Variants in UBE2D2 observed in about 807,000 individuals in gnomAD.
The protein encoded by UBE2D2 is ubiquitin conjugating enzyme E2 D2.
A neutral mutation model predicts 24.2 loss-of-function variants in UBE2D2; 2 were observed. The observed-to-expected ratio is 0.08, with a 90% CI of 0.03 to 0.26. The LOEUF is 0.26. Ranked by LOEUF, UBE2D2 falls within the 10% of genes least tolerant of loss-of-function variation. The pLI is 1.00. For missense variants in UBE2D2, 44 were observed against 177.6 expected, an observed-to-expected ratio of 0.25 and a Z score of 4.28; for synonymous variants, 58 against 56.5, an observed-to-expected ratio of 1.03 and a Z score of -0.12.
chr5:139,583,747 G>A (rs998813843), intron 1 of UBE2D2, among the ~76,000 whole-genome samples: 18 of 152,168 alleles, frequency 1.2e-4, no homozygotes, highest in Non-Finnish European at 2.6e-4. Context: ...GGGCGACGGA[G>A]CGAGACTCCA....
rs1752589183 is a variant in UBE2D2, at chr5:139,530,781, G to A, written c.-64+4169G>A. Among the ~76,000 whole-genome samples, 4 of 152,188 alleles carry A rather than the reference G, an allele frequency of 2.6e-5. No homozygotes were observed. In the South Asian group the frequency reaches 8.3e-4, roughly 31 times the overall value. On this transcript the variant is annotated intron_variant, in intron 1 of 6. Coordinates refer to the UBE2D2 transcript ENST00000511725. ...TATAACAAAACTGGCACATGTACCT[G>A]TGCAAGTGTGGCATGGACTCAGTCC...
chr5:139,546,463 G>A (rs1395582012), intron 1 of UBE2D2, among the ~76,000 whole-genome samples: 4 of 152,130 alleles, frequency 2.6e-5, no homozygotes, highest in African/African-American at 7.2e-5. Context: ...GATTACTGGC[G>A]TGAGCCGACT....
intron 1 of UBE2D2, among the ~76,000 whole-genome samples, chr5:139,549,357 C>T (rs999979246): frequency 4.6e-5 from 7 of 152,194 alleles, no homozygotes; most frequent in Admixed American, 1.3e-4. Context: ...GAGGCCCAGG[C>T]AGGAACTGGG....
rs1236371036 is a variant in UBE2D2 at position 139,627,087 on chromosome 5, T to C, written c.*286T>C. 1 of 330,060 alleles carries C rather than the reference T, an allele frequency of 3.0e-6. No individual in the cohort carries two copies. The highest frequency in any genetic ancestry group is 4.8e-5 in the Admixed American group (1 of 21,048). 20.4% of individuals were successfully genotyped at this position (330,060 alleles called of 1,614,324 possible). A position where few individuals can be genotyped will look rare whatever the true frequency, so the allele number is the denominator to read the frequency against. ...GAGACTAAAAGCTTTTCTTATTGAC[T>C]TAAATTTGGATAACAGCAAGGTGTG... is the stretch of plus-strand genomic sequence containing the variant. On this transcript the variant is annotated 3_prime_UTR_variant, in exon 7 of 7. Coordinates refer to ENST00000398733, the MANE Select transcript of UBE2D2 (RefSeq NM_003339.3).
chr5:139,574,474 C>T (rs1355671472), intron 1 of UBE2D2, among the ~76,000 whole-genome samples: 3 of 151,742 alleles, frequency 2.0e-5, no homozygotes, highest in African/African-American at 7.3e-5. Flanking sequence ...TCACCCCATC[C>T]CCTACCTCCT....
At chr5:139,608,939 TAGTC>T (rs1754255675) in intron 2 of UBE2D2, among the ~76,000 whole-genome samples, 1 of 151,812 alleles carries the variant, frequency 6.6e-6, no homozygotes, top group Non-Finnish European at 1.5e-5. Flanking sequence ...ACAGCAAAAT[TAGTC>T]AGGTGTGGTG....
At chr5:139,531,025 G>A (rs1009951948) in intron 1 of UBE2D2, among the ~76,000 whole-genome samples, 1 of 152,050 alleles carries the variant, frequency 6.6e-6, no homozygotes, top group Non-Finnish European at 1.5e-5. Flanking sequence ...AAAGACATAA[G>A]TAGCAAAAAC....
chr5:139,548,329 G>A (rs1358894534), intron 1 of UBE2D2, among the ~76,000 whole-genome samples: 1 of 151,892 alleles, frequency 6.6e-6, no homozygotes, highest in African/African-American at 2.4e-5. Context: ...AAGATATAGA[G>A]GAAGGTTGGG....
chr5:139,550,351 C>T (rs541251179), intron 1 of UBE2D2, among the ~76,000 whole-genome samples: 5 of 152,178 alleles, frequency 3.3e-5, no homozygotes, highest in East Asian at 3.9e-4. Flanking sequence ...CAACACTCTG[C>T]GTCTAGCTCA....
intron 1 of UBE2D2, among the ~76,000 whole-genome samples, chr5:139,584,963 C>T (rs1422247590): frequency 4.0e-5 from 6 of 150,534 alleles, no homozygotes; most frequent in Middle Eastern, 3.4e-3. Flanking sequence ...TGCAGTGGCG[C>T]GATCTCGGCT....
chr5:139,583,068 G>T (rs2126667457), intron 1 of UBE2D2, among the ~76,000 whole-genome samples: 1 of 150,696 alleles, frequency 6.6e-6, no homozygotes, highest in Non-Finnish European at 1.5e-5. Context: ...TCCGCCTCTT[G>T]GGTTCCAGTG....
chr5:139,625,539 G>GCTCAT (rs1320513935), intron 6 of UBE2D2, among the ~76,000 whole-genome samples: 3 of 147,316 alleles, frequency 2.0e-5, no homozygotes, highest in African/African-American at 7.6e-5. Flanking sequence ...AACCTCCCAG[G>GCTCAT]CTCAAGTAGT....
chr5:139,610,445 GC>G (rs1422972381), intron 2 of UBE2D2, among the ~76,000 whole-genome samples: 1 of 152,086 alleles, frequency 6.6e-6, no homozygotes, highest in African/African-American at 2.4e-5. Context: ...GGAGGCTGAG[GC>G]AGGAGAATTG....
At chr5:139,579,474 G>A (rs1753548892) in intron 1 of UBE2D2, among the ~76,000 whole-genome samples, 1 of 151,970 alleles carries the variant, frequency 6.6e-6, no homozygotes, top group South Asian at 2.1e-4. Flanking sequence ...GTAGAGATGG[G>A]GTTTTGTCTT....
intron 1 of UBE2D2, among the ~76,000 whole-genome samples, chr5:139,568,800 G>A (rs1239782293): frequency 6.6e-6 from 1 of 152,084 alleles, no homozygotes; most frequent in Non-Finnish European, 1.5e-5. Context: ...GTGAAACCCT[G>A]TCTCTACTAA....
At chr5:139,563,185 AAGTC>A (rs1389973587) in intron 1 of UBE2D2, among the ~76,000 whole-genome samples, 2 of 152,212 alleles carry the variant, frequency 1.3e-5, no homozygotes, top group Admixed American at 6.5e-5. Context: ...GTCTTAAACT[AAGTC>A]AGAATACAGA....
intron 1 of UBE2D2, among the ~76,000 whole-genome samples, chr5:139,590,588 T>C (rs940329593): frequency 6.6e-6 from 1 of 151,952 alleles, no homozygotes; most frequent in African/African-American, 2.4e-5. Context: ...TAAAAACATG[T>C]AAACAGTACT....
chr5:139,560,955 C>A (rs1753063068), upstream of UBE2D2, among the ~76,000 whole-genome samples: 1 of 152,134 alleles, frequency 6.6e-6, no homozygotes, highest in Non-Finnish European at 1.5e-5. Flanking sequence ...TGGCCAAGTC[C>A]CTTCCTCCTT....
At chr5:139,550,894 C>T (rs1255788811) in intron 1 of UBE2D2, among the ~76,000 whole-genome samples, 1 of 152,182 alleles carries the variant, frequency 6.6e-6, no homozygotes, top group Non-Finnish European at 1.5e-5. Flanking sequence ...TAGCACTCAT[C>T]ATGAGAGTCT....
Sources: allele counts gnomAD v4.1 joint callset (sites outside exome capture counted in the v4.1 genomes callset), GRCh38; gene constraint gnomAD v4.1.1; transcripts MANE v1.5; gene names NCBI Gene and HGNC (gene_info 2026-07-23, HGNC 2026-07-21).